The following DYNLL1 variants were observed in gnomAD, a reference collection of about 807,000 sequenced individuals.
The protein encoded by DYNLL1 is dynein light chain LC8-type 1, also known as dynein light chain 1, cytoplasmic.
A neutral mutation model predicts 10.1 loss-of-function variants in DYNLL1; 3 were observed. The observed-to-expected ratio is 0.30, with a 90% CI of 0.14 to 0.77. The LOEUF is 0.77. Among genes scored for constraint, DYNLL1 ranks in the 30% least tolerant of loss-of-function variants. DYNLL1 has a pLI of 0.66. For missense variants in DYNLL1, 47 were observed against 111.7 expected (o/e 0.42, Z 2.61); for synonymous variants, 46 against 41.2 (o/e 1.12, Z -0.45).
intron 1 of DYNLL1, chr12:120,490,412 G>A (rs966482840): frequency 1.3e-5 from 2 of 152,198 alleles, no homozygotes; most frequent in East Asian, 3.8e-4. Context: ...GTGACACTGA[G>A]GTCACCTACT....
At chr12:120,493,221 T>C (rs1207146787), upstream of DYNLL1, among the ~76,000 whole-genome samples, 3 of 152,194 alleles carry the variant, frequency 2.0e-5, no homozygotes, top group Admixed American at 6.5e-5. Context: ...TTTATGGTAA[T>C]GATATAAATT....
intron 1 of DYNLL1, among the ~76,000 whole-genome samples, chr12:120,476,246 A>G (rs1878748570): frequency 1.3e-5 from 2 of 152,156 alleles, no homozygotes; most frequent in Admixed American, 1.3e-4. Flanking sequence ...ATAATTCAGT[A>G]ATGGCACCTC....
chr12:120,483,640 C>T (rs1235789804), intron 1 of DYNLL1, among the ~76,000 whole-genome samples: 1 of 151,908 alleles, frequency 6.6e-6, no homozygotes, highest in Non-Finnish European at 1.5e-5. Flanking sequence ...TCAAATAGGA[C>T]TTAGAGATAT....
At chr12:120,486,275 T>C (rs991741213) in intron 1 of DYNLL1, among the ~76,000 whole-genome samples, 1 of 152,152 alleles carries the variant, frequency 6.6e-6, no homozygotes, top group Non-Finnish European at 1.5e-5. Flanking sequence ...AATGAAATAA[T>C]ACCTTTGGAG....
chr12:120,473,469 T>C (rs1878690918), intron 1 of DYNLL1, among the ~76,000 whole-genome samples: 1 of 151,110 alleles, frequency 6.6e-6, no homozygotes, highest in Non-Finnish European at 1.5e-5. Flanking sequence ...TCAAGGTGGG[T>C]GGATCACTTG....
chr12:120,496,390 C>T (rs1453434188), intron 1 of DYNLL1, 26 bp from the exon 2 acceptor site: 5 of 1,613,490 alleles, frequency 3.1e-6, no homozygotes, highest in African/African-American at 1.3e-5. Context: ...CCAACTCAAC[C>T]CCTTACCCCA....
chr12:120,474,333 A>G (rs1163729274), intron 1 of DYNLL1, among the ~76,000 whole-genome samples: 1 of 152,096 alleles, frequency 6.6e-6, no homozygotes, highest in Non-Finnish European at 1.5e-5. Context: ...CACCAAACTG[A>G]AAAGAAGCCT....
chr12:120,480,800 T>C (rs1324403006), intron 1 of DYNLL1, among the ~76,000 whole-genome samples: 2 of 151,910 alleles, frequency 1.3e-5, no homozygotes, highest in African/African-American at 4.8e-5. Context: ...CTCGCTCTGT[T>C]GCCCAGGCTG....
chr12:120,469,971 G>A (rs1334207238), exon 1 of DYNLL1: 2 of 168,922 alleles, frequency 1.2e-5, no homozygotes, highest in East Asian at 1.7e-4. Context: ...CTGTGGCGCC[G>A]CCTACCTCAC....
intron 1 of DYNLL1, among the ~76,000 whole-genome samples, chr12:120,475,951 G>A (rs1057159613): frequency 1.3e-5 from 2 of 152,156 alleles, no homozygotes; most frequent in Non-Finnish European, 2.9e-5. Context: ...TGGCAAATGA[G>A]CTCATCAGGT....
At chr12:120,476,759 G>A (rs1233977302) in intron 1 of DYNLL1, among the ~76,000 whole-genome samples, 1 of 150,958 alleles carries the variant, frequency 6.6e-6, no homozygotes, top group African/African-American at 2.4e-5. Context: ...TTACAGGCAT[G>A]CACCACCACA....
chr12:120,498,114 G>C lies in DYNLL1; in HGVS notation c.174G>C (p.Val58=). The change falls in exon 3 of 3, where the codon GTG becomes GTC. Residue 58 remains valine (V), a synonymous_variant. Transcript: ENST00000242577. ...KKYNPTWHCI[V]GRNFGSYVTH... ...ACAATCCCACCTGGCATTGCATCGT[G>C]GGGAGGAACTTCGGTAGTTATGTGA... 1 of 1,614,156 alleles carries C rather than the reference G, an allele frequency of 6.2e-7. No individual in the cohort carries two copies. Among genetic ancestry groups the C allele is most frequent in the Non-Finnish European group, 8.5e-7 (1 of 1,180,000 alleles).
At chr12:120,497,850 C>CT in intron 2 of DYNLL1, 1 of 544,356 alleles carries the variant, frequency 1.8e-6, no homozygotes, top group Non-Finnish European at 3.2e-6. Flanking sequence ...ACCTTTCGTC[C>CT]TTTGACCTCC....
At chr12:120,476,309 G>GT (rs5801386) in intron 1 of DYNLL1, among the ~76,000 whole-genome samples, 102,204 of 147,052 alleles carry the variant, frequency 0.7, 36,538 homozygotes, top group African/African-American at 0.9. Flanking sequence ...ATTATCTGGA[G>GT]TTTTTTTTTT....
chr12:120,493,619 A>T (rs1012633150), upstream of DYNLL1, among the ~76,000 whole-genome samples: 3 of 151,180 alleles, frequency 2.0e-5, no homozygotes, highest in African/African-American at 7.3e-5. Flanking sequence ...TTTTTTATTT[A>T]TTTATTTTTT....
rs1002664898 is a variant in DYNLL1 at position 120,485,129 on chromosome 12, C to A, written c.-6-11287C>A. Among the ~76,000 whole-genome samples the A allele has an allele frequency of 2.6e-5, 4 of 152,216 alleles. No homozygotes were observed. In the East Asian group the frequency reaches 7.7e-4, roughly 29 times the overall value. ...CACTTTGGGAGGTGAAGGCAGGATGCCTGCTTGAGCCCAGGAGTTTGAGGC... is the reference window on the plus strand; with the variant it reads ...CACTTTGGGAGGTGAAGGCAGGATGACTGCTTGAGCCCAGGAGTTTGAGGC... On this transcript the variant is annotated intron_variant, in intron 1 of 2. Transcript: ENST00000392509.
intron 1 of DYNLL1, among the ~76,000 whole-genome samples, chr12:120,475,187 C>CTT (rs1009305524): frequency 6.6e-6 from 1 of 152,046 alleles, no homozygotes; most frequent in Non-Finnish European, 1.5e-5. Context: ...TTTTCAATAA[C>CTT]TTTTAGATAA....
chr12:120,471,210 C>CAA (rs528588508), intron 1 of DYNLL1, among the ~76,000 whole-genome samples: 4,700 of 132,158 alleles, frequency 0.036, 236 homozygotes, highest in African/African-American at 0.12. Flanking sequence ...ACTAAAAATA[C>CAA]AAAAAAAAAA....
intron 1 of DYNLL1, among the ~76,000 whole-genome samples, chr12:120,484,733 G>A (rs758231049): frequency 3.3e-5 from 5 of 149,646 alleles, no homozygotes; most frequent in Non-Finnish European, 7.4e-5. Flanking sequence ...AAGAAGTTAT[G>A]CATGGACTTT....
Sources: gnomAD v4.1 joint callset for allele counts (sites outside exome capture counted in the v4.1 genomes callset) on GRCh38, gnomAD v4.1.1 for gene constraint, MANE v1.5 for transcripts, NCBI Gene and HGNC (gene_info 2026-07-23, HGNC 2026-07-21) for gene names.